The following SYNE1 variants were observed in gnomAD, a reference collection of about 807,000 sequenced individuals.
The protein encoded by SYNE1 is nesprin-1.
Under a neutral mutation model 1,111.0 loss-of-function variants are expected in SYNE1, and 616 were observed. The ratio of observed to expected loss-of-function variants is 0.55; its 90% CI spans 0.52 to 0.59. SYNE1 has a LOEUF of 0.59. SYNE1 is among the 20% of genes least tolerant of loss of function. The pLI, the probability that SYNE1 is intolerant of heterozygous loss-of-function variation, is 0.00. For missense variants in SYNE1, 10,006 were observed against 10,417.0 expected, an observed-to-expected ratio of 0.96 and a Z score of 1.72; for synonymous variants, 3,855 against 3,825.8, an observed-to-expected ratio of 1.01 and a Z score of -0.28.
chr6:152,400,321 T>C (rs2097793481), intron 47 of SYNE1, among the ~76,000 whole-genome samples: 1 of 152,172 alleles, frequency 6.6e-6, no homozygotes. Flanking sequence ...TCAGTGCTTG[T>C]CCTTTACAGA....
intron 59 of SYNE1, among the ~76,000 whole-genome samples, chr6:152,372,166 C>A (rs1241667740): frequency 6.6e-6 from 1 of 152,126 alleles, no homozygotes; most frequent in African/African-American, 2.4e-5. Flanking sequence ...GCTCAGACCA[C>A]ATAGCATTAA....
Position 152,390,363 on chromosome 6 carries a change from T to C in SYNE1, c.8094A>G (p.Glu2698=). 1.2e-6 allele frequency: 2 copies of C among 1,614,186 alleles called. No homozygotes were observed. Among genetic ancestry groups the C allele is most frequent in the Non-Finnish European group, 8.5e-7 (1 of 1,180,030 alleles). Reference sequence around the variant, plus strand: ...ACTGAGTCTGAATCACCCTCTGACCTTCTTTGTTGCTACTTCTCAAGGCCT... The same window carrying C: ...ACTGAGTCTGAATCACCCTCTGACCCTCTTTGTTGCTACTTCTCAAGGCCT... ...GEQALRSSNK[E]GQRVIQTQLE... Residue 2698 remains glutamate (E), a synonymous_variant, in exon 53 of 146, where the codon GAA becomes GAG. Coordinates refer to ENST00000367255, the MANE Select transcript of SYNE1 (RefSeq NM_182961.4).
chr6:152,511,640 T>C (rs1224587813), intron 6 of SYNE1: 37 of 1,575,370 alleles, frequency 2.3e-5, no homozygotes, highest in Non-Finnish European at 3.1e-5. Context: ...ATAAATCATC[T>C]TTCAAAATCA....
chr6:152,325,534 T>G (rs1306229059), intron 80 of SYNE1, among the ~76,000 whole-genome samples: 1 of 152,210 alleles, frequency 6.6e-6, no homozygotes, highest in Non-Finnish European at 1.5e-5. Context: ...AAAACAAAAG[T>G]GTATTTTGCT....
chr6:152,482,478 G>A (rs2098911752), intron 14 of SYNE1, among the ~76,000 whole-genome samples: 1 of 152,130 alleles, frequency 6.6e-6, no homozygotes, highest in Admixed American at 6.5e-5. Context: ...TGCATAAAAT[G>A]CAAGATTGCA....
intron 115 of SYNE1, 138 bp from the exon 116 acceptor site, chr6:152,226,014 G>A (rs1218967065): frequency 2.0e-5 from 16 of 803,664 alleles, no homozygotes; most frequent in Non-Finnish European, 3.1e-5. Context: ...GAAGAGGCAC[G>A]CTGCAGAAGT....
chr6:152,249,385 A>G (rs2088418242), intron 104 of SYNE1, 123 bp from the exon 105 acceptor site: 4 of 721,172 alleles, frequency 5.5e-6, no homozygotes, highest in South Asian at 2.9e-5. Context: ...AGGAGAAACA[A>G]TACTGTGCTA....
Position 152,310,401 on chromosome 6 carries a change from G to C in SYNE1, c.17014C>G (p.Arg5672Gly). 1 of 1,614,106 alleles carries C rather than the reference G, an allele frequency of 6.2e-7. No homozygotes were observed. The highest frequency in any genetic ancestry group is 8.5e-7 in the Non-Finnish European group (1 of 1,180,028). Reference sequence around the variant, plus strand: ...TCCAAGTTAGTTTGGCTTACCTGCCGATGAGAGAGCTGCTCCTTGAGACTG... The same window carrying C: ...TCCAAGTTAGTTTGGCTTACCTGCCCATGAGAGAGCTGCTCCTTGAGACTG... The part of the protein sequence containing the change: ...RLSLKEQLSH[R>G]QHLLSEMESL... The change falls in exon 89 of 146, where the codon CGG becomes GGG. Residue 5672 changes from arginine to glycine, a missense_variant. Physicochemically the swap from Arg to Gly is moderately radical, Grantham distance 125. Coordinates refer to ENST00000367255, the MANE Select transcript of SYNE1 (RefSeq NM_182961.4).
At chr6:152,611,863 A>G (rs1583415375) in intron 3 of SYNE1, among the ~76,000 whole-genome samples, 2 of 152,098 alleles carry the variant, frequency 1.3e-5, no homozygotes, top group African/African-American at 4.8e-5. Flanking sequence ...CCTCACAACT[A>G]CGTGGAAACT....
intron 131 of SYNE1, among the ~76,000 whole-genome samples, chr6:152,162,610 G>A (rs2062757803): frequency 6.6e-6 from 1 of 152,114 alleles, no homozygotes; most frequent in South Asian, 2.1e-4. Context: ...TCAATCATCA[G>A]AATCTCAAAC....
intron 3 of SYNE1, among the ~76,000 whole-genome samples, chr6:152,541,631 C>A (rs1164854557): frequency 6.6e-6 from 1 of 151,418 alleles, no homozygotes; most frequent in Non-Finnish European, 1.5e-5. Flanking sequence ...CTCTGTAGTC[C>A]CAGCTACTCA....
chr6:152,413,655 A>G (rs1178803984), intron 41 of SYNE1, 124 bp from the exon 42 acceptor site: 2 of 974,466 alleles, frequency 2.1e-6, no homozygotes, highest in African/African-American at 1.7e-5. Context: ...CTTTTAACAC[A>G]GAAATTAAAT....
At chr6:152,339,100 T>C in intron 75 of SYNE1, 141 bp downstream of exon 75, 1 of 1,134,148 alleles carries the variant, frequency 8.8e-7, no homozygotes, top group Non-Finnish European at 1.2e-6. Flanking sequence ...AATTCAAATA[T>C]CTATTTATTA....
chr6:152,162,955 T>C (rs2062825700), intron 131 of SYNE1, among the ~76,000 whole-genome samples: 1 of 152,186 alleles, frequency 6.6e-6, no homozygotes, highest in Non-Finnish European at 1.5e-5. Flanking sequence ...TTGACACCTA[T>C]TTCATTGGCT....
At chr6:152,627,338 C>A (rs1451127659) in intron 3 of SYNE1, among the ~76,000 whole-genome samples, 1 of 152,064 alleles carries the variant, frequency 6.6e-6, no homozygotes. Flanking sequence ...TAGTATTTCC[C>A]TGTTAGTTTT....
chr6:152,352,462 G>T, intron 69 of SYNE1, 109 bp from the exon 70 acceptor site: 2 of 1,183,972 alleles, frequency 1.7e-6, no homozygotes, highest in Non-Finnish European at 2.4e-6. Context: ...GAGTGCAGTG[G>T]CACAATCTTG....
At position 152,262,576 on chromosome 6, in the gene SYNE1, C is replaced by T. The variant is rs543067884; in HGVS notation, c.18816-388G>A. Among the ~76,000 whole-genome samples the T allele has an allele frequency of 5.9e-5, 9 of 152,028 alleles. No individual in the cohort carries two copies. In the South Asian group the frequency reaches 1.0e-3, roughly 18 times the overall value. On this transcript the variant is annotated intron_variant, in intron 100 of 145. Coordinates refer to ENST00000367255, the MANE Select transcript of SYNE1 (RefSeq NM_182961.4). ...AGAGAAAACACAGGACACAGGAGGG[C>T]GGTGCAGGACACAGGAGGGTACAAC...
chr6:152,471,792 A>G, intron 15 of SYNE1, 27 bp from the exon 16 acceptor site: 4 of 1,607,322 alleles, frequency 2.5e-6, no homozygotes, highest in Middle Eastern at 1.8e-4. Context: ...GAGAATTTAT[A>G]GAATGTAACT....
In SYNE1 at chr6:152,503,887, A is replaced by G. The variant is rs1017529815; in HGVS notation, c.779-1145T>C. Among the ~76,000 whole-genome samples, 4 of 152,322 alleles carry G rather than the reference A, an allele frequency of 2.6e-5. No homozygotes were observed. The South Asian group carries it at 8.3e-4, about 32-fold the overall frequency. On this transcript the variant is annotated intron_variant, in intron 9 of 145. Coordinates refer to ENST00000367255, the MANE Select transcript of SYNE1 (RefSeq NM_182961.4). ...GTTAACTATATATGTAAATCATAAA[A>G]TAATTATTATAATAGCTTTTGGTCT...
Sources: gnomAD v4.1 joint callset for allele counts (sites outside exome capture counted in the v4.1 genomes callset) on GRCh38, gnomAD v4.1.1 for gene constraint, MANE v1.5 for transcripts, NCBI Gene and HGNC (gene_info 2026-07-23, HGNC 2026-07-21) for gene names.